The following PCDHA1 variants were observed in gnomAD, a reference collection of about 807,000 sequenced individuals.
PCDHA1 encodes protocadherin alpha 1, also known as protocadherin alpha-1.
PCDHA1 carries 42 observed loss-of-function variants against 61.3 expected under a neutral mutation model. That is an observed-to-expected ratio of 0.69 (90% confidence interval 0.54 to 0.89). The LOEUF (loss-of-function observed/expected upper bound fraction) is 0.89. Among genes scored for constraint, PCDHA1 ranks in the 40% least tolerant of loss-of-function variants. The pLI is 0.00. For missense variants in PCDHA1, 1,256 were observed against 1,235.3 expected (o/e 1.02, Z -0.25); for synonymous variants, 610 against 553.8 (o/e 1.10, Z -1.43).
chr5:140,929,033 G>A (rs2085746479), intron 1 of PCDHA1: 1 of 1,614,186 alleles, frequency 6.2e-7, no homozygotes, highest in Non-Finnish European at 8.5e-7. Flanking sequence ...CCAGGCTGTT[G>A]CGCTCAGAGC....
intron 1 of PCDHA1, chr5:140,883,045 A>G: frequency 1.2e-6 from 2 of 1,614,190 alleles, no homozygotes; most frequent in Non-Finnish European, 1.7e-6. Context: ...TCAATGGAAC[A>G]TTAGTGATCA....
At chr5:140,853,884 T>G in intron 1 of PCDHA1, 1 of 980,606 alleles carries the variant, frequency 1.0e-6, no homozygotes, top group South Asian at 4.8e-5. Flanking sequence ...TTTCTGTAAT[T>G]TAAAAAGATG....
intron 1 of PCDHA1, chr5:140,967,572 A>G: frequency 6.2e-7 from 1 of 1,613,544 alleles, no homozygotes; most frequent in Non-Finnish European, 8.5e-7. Flanking sequence ...CTACGGGAGG[A>G]CTCACCCCCA....
intron 1 of PCDHA1, among the ~76,000 whole-genome samples, chr5:140,837,869 G>A (rs1367921938): frequency 6.6e-6 from 1 of 151,606 alleles, no homozygotes; most frequent in African/African-American, 2.4e-5. Flanking sequence ...TGTAGAGACA[G>A]GGTGGAGTCT....
At chr5:140,854,786 T>C (rs1450624058) in intron 1 of PCDHA1, 1 of 149,564 alleles carries the variant, frequency 6.7e-6, no homozygotes, top group Admixed American at 6.7e-5. Context: ...TTCAAGAACT[T>C]TGAGAGAGAA....
At chr5:140,835,408 A>T (rs2150235029) in intron 1 of PCDHA1, 3 of 1,614,004 alleles carry the variant, frequency 1.9e-6, no homozygotes, top group Non-Finnish European at 2.5e-6. Flanking sequence ...GAAGTTGTGG[A>T]TGTAAATGAC....
intron 1 of PCDHA1, among the ~76,000 whole-genome samples, chr5:140,959,018 A>T (rs1374346226): frequency 6.6e-6 from 1 of 152,078 alleles, no homozygotes; most frequent in Non-Finnish European, 1.5e-5. Flanking sequence ...TTTATACATT[A>T]AGCTTTATCA....
At chr5:140,794,813 G>A (rs1440609297) in intron 1 of PCDHA1, 12 of 812,344 alleles carry the variant, frequency 1.5e-5, no homozygotes, top group Non-Finnish European at 2.3e-5. Context: ...CCACCATAGA[G>A]TGTTCTCTAG....
At chr5:140,809,705 A>G in intron 1 of PCDHA1, 2 of 1,097,976 alleles carry the variant, frequency 1.8e-6, no homozygotes, top group Non-Finnish European at 2.6e-6. Flanking sequence ...TTTTAACTAA[A>G]GTCTTTTGGA....
intron 1 of PCDHA1, chr5:140,883,283 G>A (rs782514861): frequency 1.2e-6 from 2 of 1,614,034 alleles, no homozygotes; most frequent in Admixed American, 3.3e-5. Context: ...CCTTTTGGTG[G>A]AAGTACTAGA....
intron 1 of PCDHA1, among the ~76,000 whole-genome samples, chr5:140,839,584 CT>C (rs1237796320): frequency 6.6e-6 from 1 of 151,868 alleles, no homozygotes; most frequent in Non-Finnish European, 1.5e-5. Flanking sequence ...GAGATGGGGT[CT>C]TACCATGTTG....
chr5:140,801,306 G>A, intron 1 of PCDHA1: 1 of 1,613,426 alleles, frequency 6.2e-7, no homozygotes, highest in East Asian at 2.2e-5. Context: ...CTCCGTCTCT[G>A]AGGAGGCCAA....
chr5:140,791,201 A>G (rs184570220), intron 1 of PCDHA1, among the ~76,000 whole-genome samples: 21 of 152,300 alleles, frequency 1.4e-4, no homozygotes, highest in African/African-American at 5.1e-4. Flanking sequence ...ATGCTGGAGG[A>G]TTTCACTTTT....
At chr5:140,830,279 G>A (rs2150184149) in intron 1 of PCDHA1, 1 of 1,613,822 alleles carries the variant, frequency 6.2e-7, no homozygotes, top group Non-Finnish European at 8.5e-7. Flanking sequence ...ACCCACCGAG[G>A]GCGCGTGCAC....
chr5:140,853,603 G>A (rs1358386755), intron 1 of PCDHA1: 2 of 987,254 alleles, frequency 2.0e-6, no homozygotes, highest in South Asian at 4.7e-5. Flanking sequence ...GAGAGCAAAG[G>A]GGGTGCTGTA....
chr5:140,915,324 T>G (rs782080439), intron 1 of PCDHA1, among the ~76,000 whole-genome samples: 1 of 152,210 alleles, frequency 6.6e-6, no homozygotes, highest in Non-Finnish European at 1.5e-5. Flanking sequence ...ATTACAGTGT[T>G]ATAATATTCT....
chr5:140,828,171 G>A, intron 1 of PCDHA1: 1 of 1,614,150 alleles, frequency 6.2e-7, no homozygotes, highest in Non-Finnish European at 8.5e-7. Context: ...TGGAAGGTGG[G>A]GAGCGGCCAG....
intron 1 of PCDHA1, chr5:140,877,310 C>G (rs371801888): frequency 6.2e-7 from 1 of 1,613,938 alleles, no homozygotes; most frequent in Non-Finnish European, 8.5e-7. Flanking sequence ...GAGTTGCAAC[C>G]GGCGGCGGTC....
intron 1 of PCDHA1, among the ~76,000 whole-genome samples, chr5:140,799,428 C>T (rs541986774): frequency 6.6e-6 from 1 of 152,020 alleles, no homozygotes; most frequent in South Asian, 2.1e-4. Context: ...TAGCTACCAT[C>T]TTTAAAAATT....
Sources: allele counts gnomAD v4.1 joint callset (sites outside exome capture counted in the v4.1 genomes callset), GRCh38; gene constraint gnomAD v4.1.1; transcripts MANE v1.5; gene names NCBI Gene and HGNC (gene_info 2026-07-23, HGNC 2026-07-21).